The following EFTUD2 variants were observed in gnomAD, a reference collection of about 807,000 sequenced individuals.
EFTUD2 encodes the protein elongation factor Tu GTP binding domain containing 2.
In EFTUD2, 9 loss-of-function variants were observed where a neutral mutation model predicts 114.3. The observed-to-expected ratio is 0.08, with a 90% CI of 0.05 to 0.14. EFTUD2 has a LOEUF of 0.14. Ranked by LOEUF, EFTUD2 falls within the 10% of genes least tolerant of loss-of-function variation. The pLI, the probability that EFTUD2 is intolerant of heterozygous loss-of-function variation, is 1.00. For missense variants in EFTUD2, 765 were observed against 1,241.2 expected (o/e 0.62, Z 5.76); for synonymous variants, 449 against 462.3 (o/e 0.97, Z 0.37).
intron 4 of EFTUD2, 79 bp from the exon 5 acceptor site, chr17:44,883,803 A>AT: frequency 6.9e-7 from 1 of 1,456,008 alleles, no homozygotes; most frequent in Non-Finnish European, 9.6e-7. Context: ...TGTTTCAGGT[A>AT]TTTTTTGGCC....
chr17:44,866,580 T>C (rs1286985936), intron 13 of EFTUD2, among the ~76,000 whole-genome samples: 2 of 152,110 alleles, frequency 1.3e-5, no homozygotes, highest in African/African-American at 2.4e-5. Flanking sequence ...GGTCTTGCCA[T>C]GTTGCCCAGG....
At chr17:44,867,722 G>T in intron 13 of EFTUD2, 85 bp downstream of exon 13, 1 of 1,225,632 alleles carries the variant, frequency 8.2e-7, no homozygotes, top group South Asian at 2.0e-5. Context: ...AGCAGGTTTA[G>T]GGACAGAGGG....
Position 44,853,395 on chromosome 17 carries a change from A to G in EFTUD2, c.2467-5T>C. 1 of 1,614,160 alleles carries G rather than the reference A, an allele frequency of 6.2e-7. No individual in the cohort carries two copies. The highest frequency in any genetic ancestry group is 8.5e-7 in the Non-Finnish European group (1 of 1,179,988). On this transcript the variant is annotated splice_polypyrimidine_tract_variant and splice_region_variant and intron_variant, in intron 24 of 27. Transcript: ENST00000426333. Reference sequence around the variant, plus strand: ...CTCCATCAGACGAGGAGTAGCCTGCAGCAGAGCAAGAAGAAAGGCCCCTCA... The same window carrying G: ...CTCCATCAGACGAGGAGTAGCCTGCGGCAGAGCAAGAAGAAAGGCCCCTCA...
chr17:44,855,621 G>A (rs1404980476), intron 20 of EFTUD2, among the ~76,000 whole-genome samples: 1 of 151,292 alleles, frequency 6.6e-6, no homozygotes, highest in Admixed American at 6.6e-5. Flanking sequence ...CAAACAAACA[G>A]AACCTGGGCA....
In EFTUD2 at chr17:44,850,537, G is replaced by A. The variant is rs764277105; in HGVS notation, c.*737C>T. ...AAGGGACTGGTGGTAGCTGGGGAGA[G>A]GACTTGGAGTAAATGGCTGGAAATC... On this transcript the variant is annotated 3_prime_UTR_variant, in exon 28 of 28. Transcript: ENST00000426333. 4.9e-6 allele frequency: 3 copies of A among 608,932 alleles called. No homozygotes were observed. The highest frequency in any genetic ancestry group is 2.1e-5 in the South Asian group (1 of 46,974). The allele number at this position is 608,932 out of a possible 1,614,324, so 37.7% of individuals were successfully genotyped here. A position where few individuals can be genotyped will look rare whatever the true frequency, so the allele number is the denominator to read the frequency against.
chr17:44,862,598 C>G, intron 16 of EFTUD2, 115 bp downstream of exon 16: 1 of 987,998 alleles, frequency 1.0e-6, no homozygotes, highest in South Asian at 2.0e-5. Context: ...CCACTTTATC[C>G]CCTCTTGCAC....
chr17:44,857,311 A>G lies in EFTUD2; in HGVS notation c.1963-154T>C, dbSNP rs73986403. 1,503 of 624,850 alleles carry G rather than the reference A, an allele frequency of 2.4e-3. 17 individuals are homozygous for G. In the African/African-American group the frequency reaches 0.024, roughly 10 times the overall value. The allele number at this position is 624,850 out of a possible 1,614,324, so 38.7% of individuals were successfully genotyped here. ...AAGTGATAAGTACAACAGCAGGTTA[A>G]AAGAGCTGTCCAAATCATCACCAAA... On this transcript the variant is annotated intron_variant, in intron 19 of 27. Transcript: ENST00000426333.
chr17:44,862,985 G>GT, intron 15 of EFTUD2, 79 bp from the exon 16 acceptor site: 10 of 1,215,920 alleles, frequency 8.2e-6, no homozygotes, highest in Non-Finnish European at 1.1e-5. Flanking sequence ...TTCCTTGACA[G>GT]CAAGGACATG....
intron 11 of EFTUD2, 26 bp downstream of exon 11, chr17:44,872,420 G>A (rs1392392630): frequency 1.2e-6 from 2 of 1,609,424 alleles, no homozygotes; most frequent in East Asian, 2.2e-5. Flanking sequence ...GGAAGCTGGT[G>A]AGACAGACTG....
chr17:44,872,616 C>T (rs776733456), intron 10 of EFTUD2, 46 bp from the exon 11 acceptor site: 25 of 1,541,274 alleles, frequency 1.6e-5, no homozygotes, highest in Middle Eastern at 2.2e-4. Context: ...TGCAGCAGCC[C>T]GGACGCACTG....
intron 18 of EFTUD2, 119 bp downstream of exon 18, chr17:44,859,786 G>C (rs1486908290): frequency 8.6e-6 from 13 of 1,520,236 alleles, no homozygotes; most frequent in Non-Finnish European, 1.2e-5. Context: ...GCTTGCTCCT[G>C]ACACAGCTTC....
At chr17:44,882,304 T>C (rs1597818418) in intron 6 of EFTUD2, among the ~76,000 whole-genome samples, 1 of 151,590 alleles carries the variant, frequency 6.6e-6, no homozygotes, top group East Asian at 1.9e-4. Flanking sequence ...CAGACTAGAG[T>C]GTGGTGGCAT....
chr17:44,865,098 G>A (rs1216964169), intron 13 of EFTUD2, 33 bp from the exon 14 acceptor site: 2 of 1,613,258 alleles, frequency 1.2e-6, no homozygotes, highest in South Asian at 1.1e-5. Context: ...GTCAGCTGTA[G>A]TGAGAGCCTG....
chr17:44,863,295 T>C, intron 15 of EFTUD2: 1 of 248,672 alleles, frequency 4.0e-6, no homozygotes, highest in Non-Finnish European at 7.7e-6. Flanking sequence ...AAGATGTTTT[T>C]AAAAGCCAGG....
intron 11 of EFTUD2, among the ~76,000 whole-genome samples, chr17:44,871,915 C>G (rs548707292): frequency 1.8e-4 from 27 of 152,284 alleles, no homozygotes; most frequent in Admixed American, 1.8e-3. Flanking sequence ...AGATGAAGAG[C>G]CAGGGAGTCT....
At chr17:44,866,402 T>C (rs2050746325) in intron 13 of EFTUD2, among the ~76,000 whole-genome samples, 1 of 144,804 alleles carries the variant, frequency 6.9e-6, no homozygotes, top group South Asian at 2.2e-4. Flanking sequence ...ACACCACCAG[T>C]CCCAGTTGAT....
chr17:44,868,820 G>A (rs2050796550), intron 11 of EFTUD2, among the ~76,000 whole-genome samples: 1 of 152,168 alleles, frequency 6.6e-6, no homozygotes, highest in Non-Finnish European at 1.5e-5. Flanking sequence ...GCTAGCCCTA[G>A]GCCTCAGGTA....
intron 20 of EFTUD2, among the ~76,000 whole-genome samples, chr17:44,855,967 A>G (rs984921550): frequency 1.3e-5 from 2 of 151,016 alleles, no homozygotes; most frequent in African/African-American, 2.4e-5. Flanking sequence ...AGAAAAAAAA[A>G]AAAAGAAAAA....
intron 1 of EFTUD2, chr17:44,895,940 G>A (rs1180768302): frequency 6.6e-6 from 1 of 152,232 alleles, no homozygotes; most frequent in African/African-American, 2.4e-5. Flanking sequence ...TCCAAGGACT[G>A]TCATGAAATC....
Sources: allele counts gnomAD v4.1 joint callset (sites outside exome capture counted in the v4.1 genomes callset), GRCh38; gene constraint gnomAD v4.1.1; transcripts MANE v1.5; gene names NCBI Gene and HGNC (gene_info 2026-07-23, HGNC 2026-07-21).